The following C10orf67 variants were observed in gnomAD, a reference collection of about 807,000 sequenced individuals.
The protein encoded by C10orf67 is uncharacterized protein C10orf67, mitochondrial.
C10orf67 carries 60 observed loss-of-function variants against 35.6 expected under a neutral mutation model. The ratio of observed to expected loss-of-function variants is 1.68; its 90% CI spans 1.37 to 2.09. C10orf67 has a LOEUF of 2.09. C10orf67 is among the 30% of genes most tolerant of loss of function. The pLI is 0.00. For synonymous variants in C10orf67, 167 were observed against 115.8 expected, an observed-to-expected ratio of 1.44 and a Z score of -2.84; for missense variants, 474 against 330.2, an observed-to-expected ratio of 1.44 and a Z score of -3.38.
Position 23,226,953 on chromosome 10 carries a change from C to T in C10orf67, c.1435-3135G>A, listed in dbSNP as rs917228854. 1.4e-4 allele frequency among the ~76,000 whole-genome samples: 22 copies of T among 152,184 alleles called. No individual in the cohort carries two copies. In the Middle Eastern group the frequency reaches 0.014, roughly 94 times the overall value. ...TGAAATTGAGGCAATAATTAATAGC[C>T]TTCCAACCAAAAAAAGTCCAGGACC... On this transcript the variant is annotated intron_variant, in intron 13 of 15. Coordinates refer to ENST00000636213, the MANE Select transcript of C10orf67 (RefSeq NM_001371909.1).
Position 23,250,447 on chromosome 10 carries a change from C to T in C10orf67, c.1346+8G>A. 2.5e-6 allele frequency: 1 copy of T among 398,532 alleles called. No individual in the cohort carries two copies. The highest frequency in any genetic ancestry group is 4.4e-6 in the Non-Finnish European group (1 of 225,806). 24.7% of individuals were successfully genotyped at this position (398,532 alleles called of 1,614,324 possible). The stretch of plus-strand genomic sequence containing the variant: ...TTAGAAATAGAATTTGTATATTTCA[C>T]ACCATACCTGTTCCTGAGAATAAAG... On this transcript the variant is annotated splice_region_variant and intron_variant, in intron 12 of 15. Coordinates refer to ENST00000636213, the MANE Select transcript of C10orf67 (RefSeq NM_001371909.1).
intron 8 of C10orf67, among the ~76,000 whole-genome samples, chr10:23,268,149 C>G (rs1036140900): frequency 6.6e-6 from 1 of 151,894 alleles, no homozygotes; most frequent in African/African-American, 2.4e-5. Context: ...ATAAAAATTA[C>G]CCAGGTGTGG....
At chr10:23,308,430 G>A (rs1386932943) in intron 4 of C10orf67, among the ~76,000 whole-genome samples, 2 of 152,206 alleles carry the variant, frequency 1.3e-5, no homozygotes, top group East Asian at 1.9e-4. Context: ...TATACAAAAC[G>A]GCAGCCTTCA....
rs1195479860 is a variant in C10orf67, at chr10:23,316,056, AG to A, written c.546+4684del. 3.6e-5 allele frequency among the ~76,000 whole-genome samples: 5 copies of A among 137,996 alleles called. No homozygotes were observed. In the South Asian group the frequency reaches 1.1e-3, roughly 32 times the overall value. The allele number at this position is 137,996 out of a possible 152,430, so 90.5% of individuals were successfully genotyped here. ...TGGCACTTTTGCCTGAGTTTTGCCCAGGCCTGCTGTGCTCATTCCACCCGCT... is the reference window on the plus strand; with the variant it reads ...TGGCACTTTTGCCTGAGTTTTGCCCAGCCTGCTGTGCTCATTCCACCCGCT... On this transcript the variant is annotated intron_variant, in intron 4 of 15. Transcript: ENST00000636213.
chr10:23,296,490 T>A (rs1843884369), intron 5 of C10orf67, among the ~76,000 whole-genome samples: 1 of 152,228 alleles, frequency 6.6e-6, no homozygotes, highest in Non-Finnish European at 1.5e-5. Context: ...TTAGGGATTC[T>A]TAGTCGGCCT....
chr10:23,305,504 A>G (rs1264837979), intron 4 of C10orf67, among the ~76,000 whole-genome samples: 1 of 152,214 alleles, frequency 6.6e-6, no homozygotes, highest in African/African-American at 2.4e-5. Flanking sequence ...AGATTAAAAA[A>G]TGGGCCAAGG....
chr10:23,319,028 G>T, intron 4 of C10orf67: 1 of 700,524 alleles, frequency 1.4e-6, no homozygotes, highest in Non-Finnish European at 2.6e-6. Context: ...TTTAGGTTCA[G>T]AGGGTACATG....
rs141073220 is a variant in C10orf67, at chr10:23,268,582, CT to C, written c.976-1329del. Among the ~76,000 whole-genome samples, 484 of 152,280 alleles carry C rather than the reference CT, an allele frequency of 3.2e-3. 14 individuals are homozygous for C. The East Asian group carries it at 0.049, about 15-fold the overall frequency. ...AGCAAGCAGGGCTGTCTAATGACAT[CT>C]TGCAGTCTGAGAGGATAGTTACTGA... On this transcript the variant is annotated intron_variant, in intron 8 of 15. Transcript: ENST00000636213.
At chr10:23,276,911 T>C (rs1843206218) in intron 8 of C10orf67, among the ~76,000 whole-genome samples, 1 of 152,090 alleles carries the variant, frequency 6.6e-6, no homozygotes, top group South Asian at 2.1e-4. Flanking sequence ...AAGGAATTGG[T>C]GAATAAATAA....
intron 2 of C10orf67, among the ~76,000 whole-genome samples, chr10:23,329,812 A>AAAAAAAAG (rs905791499): frequency 6.1e-5 from 9 of 148,506 alleles, no homozygotes; most frequent in African/African-American, 1.8e-4. Flanking sequence ...AAAAAAAAAA[A>AAAAAAAAG]AAAAGAAAAG....
At chr10:23,202,265 C>T (rs1285248955), downstream of C10orf67, 1 of 152,186 alleles carries the variant, frequency 6.6e-6, no homozygotes, top group Non-Finnish European at 1.5e-5. Context: ...CTTTGTTCCG[C>T]GGCAGAAAGT....
In C10orf67 at chr10:23,344,608, G is replaced by A; in HGVS notation, c.167C>T (p.Ala56Val). The A allele has an allele frequency of 6.3e-7, 1 of 1,582,414 alleles. No homozygotes were observed. Among genetic ancestry groups the A allele is most frequent in the Non-Finnish European group, 8.6e-7 (1 of 1,165,100 alleles). ...RVCCARRKRE[A>V]REFKPPQMRG... is the part of the protein sequence containing the mutation. ...CATTTGCGGGGGCTTGAATTCCCGA[G>A]CTTCTCGCTTCCTACGCGCGCAGCA... Residue 56 changes from alanine to valine, a missense_variant, in exon 1 of 16, where the codon GCT becomes GTT. Coordinates refer to ENST00000636213, the MANE Select transcript of C10orf67 (RefSeq NM_001371909.1).
At chr10:23,316,787 G>A (rs4748860) in intron 4 of C10orf67, 51,403 of 152,252 alleles carry the variant, frequency 0.34, 10,580 homozygotes, top group East Asian at 0.65. Flanking sequence ...ACCCCACAGC[G>A]AATAACTCCT....
At chr10:23,289,816 C>A in intron 7 of C10orf67, 84 bp downstream of exon 7, 1 of 673,382 alleles carries the variant, frequency 1.5e-6, no homozygotes, top group East Asian at 2.7e-5. Flanking sequence ...TGTCATAAGA[C>A]ACTCTGGACA....
chr10:23,256,386 A>C (rs1187668284), intron 10 of C10orf67, among the ~76,000 whole-genome samples: 1 of 152,194 alleles, frequency 6.6e-6, no homozygotes, highest in Non-Finnish European at 1.5e-5. Flanking sequence ...TAAAAACAAG[A>C]AAAATCTAGA....
intron 8 of C10orf67, among the ~76,000 whole-genome samples, chr10:23,271,063 A>G (rs1843004371): frequency 6.6e-6 from 1 of 152,036 alleles, no homozygotes; most frequent in African/African-American, 2.4e-5. Flanking sequence ...GCTCAAAATA[A>G]AGGGAGGAGG....
At chr10:23,325,821 A>T (rs2132357045) in intron 2 of C10orf67, among the ~76,000 whole-genome samples, 1 of 152,216 alleles carries the variant, frequency 6.6e-6, no homozygotes, top group African/African-American at 2.4e-5. Flanking sequence ...AAAGCAAAAT[A>T]TGCTGTAATA....
At chr10:23,228,294 C>T (rs1430625539) in intron 13 of C10orf67, among the ~76,000 whole-genome samples, 1 of 152,130 alleles carries the variant, frequency 6.6e-6, no homozygotes, top group Non-Finnish European at 1.5e-5. Flanking sequence ...CACACATCTA[C>T]AACCATCTGA....
chr10:23,282,008 C>G lies in C10orf67; in HGVS notation c.975+5G>C. The G allele has an allele frequency of 3.3e-6, 2 of 605,936 alleles. 1 individual carries two copies. Among genetic ancestry groups the G allele is most frequent in the Non-Finnish European group, 6.0e-6 (2 of 335,392 alleles). The allele number at this position is 605,936 out of a possible 1,614,324, so 37.5% of individuals were successfully genotyped here. On this transcript the variant is annotated splice_donor_5th_base_variant and intron_variant, in intron 8 of 15. Coordinates refer to ENST00000636213, the MANE Select transcript of C10orf67 (RefSeq NM_001371909.1). Reference sequence around the variant, plus strand: ...TTTGTTAGGAAATAATGTAAATCATCTTACCACATCCTGAACTAATGATTT... The same window carrying G: ...TTTGTTAGGAAATAATGTAAATCATGTTACCACATCCTGAACTAATGATTT...
Sources: gnomAD v4.1 joint callset for allele counts (sites outside exome capture counted in the v4.1 genomes callset) on GRCh38, gnomAD v4.1.1 for gene constraint, MANE v1.5 for transcripts, NCBI Gene and HGNC (gene_info 2026-07-23, HGNC 2026-07-21) for gene names.